The following MYO15A variants were observed in gnomAD, a reference collection of about 807,000 sequenced individuals.
The protein encoded by MYO15A is unconventional myosin-XV.
A neutral mutation model predicts 394.6 loss-of-function variants in MYO15A; 308 were observed. The ratio of observed to expected loss-of-function variants is 0.78; its 90% CI spans 0.71 to 0.86. MYO15A has a LOEUF of 0.86. Among genes scored for constraint, MYO15A ranks in the 40% least tolerant of loss-of-function variants. The pLI is 0.00. For synonymous variants in MYO15A, 1,957 were observed against 2,003.8 expected (o/e 0.98, Z 0.62); for missense variants, 4,606 against 4,799.1 (o/e 0.96, Z 1.19).
In MYO15A at chr17:18,157,170, T is replaced by C. The variant is rs1329122739; in HGVS notation, c.8728T>C (p.Cys2910Arg). Reference sequence around the variant, plus strand: ...CTGGCCCATAGGCTACAGTGCTGGCTGCGTGGTTCGCAGGAAGGTGGTGTA... The same window carrying C: ...CTGGCCCATAGGCTACAGTGCTGGCCGCGTGGTTCGCAGGAAGGTGGTGTA... ...EPPRVGYSAG[C>R]VVRRKVVYLE... The change falls in exon 50 of 66, where the codon TGC (cysteine) becomes CGC (arginine). Residue 2910 changes from cysteine (C) to arginine (R), a missense_variant. By Grantham distance (180) the Cys-to-Arg change is radical. Around this residue, in one of 2 missense-constraint regions of MYO15A, gnomAD observed 2,776 missense variants for 3,109.3 expected, o/e 0.89. Transcript: ENST00000647165. The C allele has an allele frequency of 1.2e-6, 2 of 1,610,676 alleles. No homozygotes were observed. Among genetic ancestry groups the C allele is most frequent in the Non-Finnish European group, 1.7e-6 (2 of 1,178,540 alleles).
At chr17:18,161,511 C>T (rs2046777664) in intron 57 of MYO15A, 64 bp downstream of exon 57, 1 of 1,604,594 alleles carries the variant, frequency 6.2e-7, no homozygotes, top group African/African-American at 1.3e-5. Context: ...GGGTGGACAG[C>T]TGGTGGGAGG....
rs1412862837 is a variant in MYO15A at position 18,128,640 on chromosome 17, GAAGT to G, written c.4032+1480_4032+1483del. 2.0e-5 allele frequency among the ~76,000 whole-genome samples: 3 copies of G among 152,252 alleles called. No individual in the cohort carries two copies. In the East Asian group the frequency reaches 5.8e-4, roughly 29 times the overall value. ...ATGACTAGGTAGGTAGGCAGGGAAA[GAAGT>G]AAGTGTACCTCGTGCACCTCCTGTG... On this transcript the variant is annotated intron_variant, in intron 7 of 65. Transcript: ENST00000647165.
rs1263068319 is a variant in MYO15A, at chr17:18,120,245, G to C, written c.1445G>C (p.Arg482Pro). The C allele has an allele frequency of 6.2e-7, 1 of 1,612,054 alleles. No individual in the cohort carries two copies. The highest frequency in any genetic ancestry group is 8.5e-7 in the Non-Finnish European group (1 of 1,179,576). The change falls in exon 2 of 66, where the codon CGA (arginine) becomes CCA (proline). Residue 482 changes from arginine to proline, a missense_variant. Physicochemically the swap from Arg to Pro is moderately radical, Grantham distance 103 (BLOSUM62 -2). Coordinates refer to ENST00000647165, the MANE Select transcript of MYO15A (RefSeq NM_016239.4). The part of the protein sequence containing the change: ...SLIRKFRLFP[R>P]PQVKLFGKEK... ...ATCCGCAAGTTCCGCCTCTTCCCGC[G>C]ACCCCAGGTGAAGCTGTTTGGGAAG...
In MYO15A at chr17:18,178,893, C is replaced by A. The variant is rs1212494840; in HGVS notation, c.*23C>A. On this transcript the variant is annotated 3_prime_UTR_variant, in exon 66 of 66. Coordinates refer to ENST00000647165, the MANE Select transcript of MYO15A (RefSeq NM_016239.4). ...TGACCCAGCCCCCAGCCCTCCAGTA[C>A]CTTCTGCCAGAAGACTCACTGTGTG... The A allele has an allele frequency of 3.1e-6, 5 of 1,606,520 alleles. No homozygotes were observed. The African/African-American group carries it at 6.7e-5, about 21-fold the overall frequency.
In MYO15A at chr17:18,144,342, G is replaced by A. The variant is rs533848464; in HGVS notation, c.6178-155G>A. 8.3e-5 allele frequency among the ~76,000 whole-genome samples: 5 copies of A among 60,174 alleles called. No individual in the cohort carries two copies. The East Asian group carries it at 2.5e-3, about 30-fold the overall frequency. The allele number at this position is 60,174 out of a possible 152,430, so 39.5% of individuals were successfully genotyped here. On this transcript the variant is annotated intron_variant, in intron 28 of 65. Transcript: ENST00000647165. Reference sequence around the variant, plus strand: ...CCACCGACTTGCTGAGGGCCACTGTGGTGGCCCCTCACCAGCCTCAGTTTC... The same window carrying A: ...CCACCGACTTGCTGAGGGCCACTGTAGTGGCCCCTCACCAGCCTCAGTTTC...
In MYO15A at chr17:18,126,381, C is replaced by T; in HGVS notation, c.3791C>T (p.Pro1264Leu). 1 of 1,614,004 alleles carries T rather than the reference C, an allele frequency of 6.2e-7. No homozygotes were observed. Among genetic ancestry groups the T allele is most frequent in the Non-Finnish European group, 8.5e-7 (1 of 1,179,988 alleles). Reference protein sequence around the residue: ...YIGSILVSVNPYQMFGIYGPE... With the variant: ...YIGSILVSVNLYQMFGIYGPE... The stretch of plus-strand genomic sequence containing the variant: ...GGGAGCATCCTGGTGTCGGTGAACC[C>T]ATACCAAATGTTTGGAATCTATGGG... Residue 1264 changes from proline to leucine, a missense_variant, in exon 5 of 66, where the codon CCA becomes CTA. By Grantham distance (98) the Pro-to-Leu change is moderately conservative. This residue lies in a region of MYO15A where 2,776 missense variants were observed against 3,109.3 expected (regional missense o/e 0.89). Coordinates refer to ENST00000647165, the MANE Select transcript of MYO15A (RefSeq NM_016239.4).
intron 2 of MYO15A, 67 bp downstream of exon 2, chr17:18,122,476 G>A: frequency 6.4e-7 from 1 of 1,550,764 alleles, no homozygotes; most frequent in South Asian, 1.2e-5. Context: ...AAGAGAGACA[G>A]CCTGAGGAGC....
intron 61 of MYO15A, 35 bp downstream of exon 61, chr17:18,166,556 C>G (rs953744949): frequency 2.5e-6 from 4 of 1,607,348 alleles, no homozygotes; most frequent in Non-Finnish European, 3.4e-6. Context: ...ACTCTGGGAC[C>G]TTCTAGGCTC....
At chr17:18,130,398 T>C (rs1214328590) in intron 7 of MYO15A, among the ~76,000 whole-genome samples, 1 of 131,762 alleles carries the variant, frequency 7.6e-6, no homozygotes, top group Non-Finnish European at 1.6e-5. Context: ...GGCCTTCCTG[T>C]GAGAGGTAAG....
At chr17:18,126,300 G>A (rs370924343) in intron 4 of MYO15A, 47 bp from the exon 5 acceptor site, 580 of 1,465,910 alleles carry the variant, frequency 4.0e-4, no homozygotes, top group Non-Finnish European at 5.2e-4. Context: ...GAGGGACATA[G>A]AGGTCTGCAA....
intron 34 of MYO15A, 40 bp downstream of exon 34, chr17:18,149,416 C>T: frequency 1.2e-6 from 2 of 1,612,168 alleles, no homozygotes; most frequent in Non-Finnish European, 1.7e-6. Flanking sequence ...GGGGAGGGAG[C>T]CTTAGAGGCT....
At chr17:18,160,949 TC>T (rs1287656391) in intron 56 of MYO15A, 1 of 390,148 alleles carries the variant, frequency 2.6e-6, no homozygotes, top group Non-Finnish European at 4.9e-6. Flanking sequence ...CTCCTGCTCC[TC>T]CCAGCCCTGG....
rs367916338 is a variant in MYO15A, at chr17:18,138,107, G to T, written c.4876-8G>T. 3.0e-5 allele frequency: 49 copies of T among 1,609,534 alleles called. No individual in the cohort carries two copies. The highest frequency in any genetic ancestry group is 3.8e-5 in the Non-Finnish European group (45 of 1,179,990). On this transcript the variant is annotated splice_region_variant and splice_polypyrimidine_tract_variant and intron_variant, in intron 16 of 65. Transcript: ENST00000647165. The stretch of plus-strand genomic sequence containing the variant: ...GGAGGTTGAGCTCCTGCTGCCCACT[G>T]CCTGCAGGAGGAGTACATCCGTGAG...
At position 18,121,520 on chromosome 17, in the gene MYO15A, G is replaced by T. The variant is rs867573130; in HGVS notation, c.2720G>T (p.Arg907Leu). Reference sequence around the variant, plus strand: ...GCCTGGCGGGCGCCCCTGGAACACCGGGAGAGCCCGCGAGAACCCGAGGAC... The same window carrying T: ...GCCTGGCGGGCGCCCCTGGAACACCTGGAGAGCCCGCGAGAACCCGAGGAC... ...AGAWRAPLEH[R>L]ESPREPEDSE... The change falls in exon 2 of 66, where the codon CGG becomes CTG. Residue 907 changes from arginine (R) to leucine (L), a missense_variant. Around this residue, in one of 2 missense-constraint regions of MYO15A, gnomAD observed 1,830 missense variants for 1,689.7 expected, o/e 1.08. Transcript: ENST00000647165. The surrounding 1 kb of genome is among the most constrained non-coding windows in gnomAD (Gnocchi z 5.3). 1 of 1,560,168 alleles carries T rather than the reference G, an allele frequency of 6.4e-7. No individual in the cohort carries two copies. The highest frequency in any genetic ancestry group is 8.7e-7 in the Non-Finnish European group (1 of 1,152,806).
rs765802056 is a variant in MYO15A at position 18,152,350 on chromosome 17, G to T, written c.7966+166G>T. On this transcript the variant is annotated intron_variant, in intron 42 of 65. Coordinates refer to ENST00000647165, the MANE Select transcript of MYO15A (RefSeq NM_016239.4). ...ATAATGTCAATACTTAAGTAGCACA[G>T]ATCTCAGGCCAGGCCCATCCTGGCC... Among the ~76,000 whole-genome samples, 59 of 152,176 alleles carry T rather than the reference G, an allele frequency of 3.9e-4. 1 individual carries two copies. Among genetic ancestry groups the T allele is most frequent in the Non-Finnish European group, 1.5e-5 (1 of 68,012 alleles).
chr17:18,133,813 C>G (rs1296902245), intron 12 of MYO15A, among the ~76,000 whole-genome samples: 1 of 151,952 alleles, frequency 6.6e-6, no homozygotes, highest in Non-Finnish European at 1.5e-5. Context: ...CACACCACTA[C>G]CGCCCCACTA....
chr17:18,149,690 G>T, intron 35 of MYO15A, 110 bp downstream of exon 35: 1 of 1,147,696 alleles, frequency 8.7e-7, no homozygotes, highest in East Asian at 2.4e-5. Flanking sequence ...AGGGTCATGG[G>T]GTGGTGTGTC....
At chr17:18,151,089 C>T (rs756555742) in intron 38 of MYO15A, 21 bp from the exon 39 acceptor site, 101 of 1,613,516 alleles carry the variant, frequency 6.3e-5, no homozygotes, top group Non-Finnish European at 7.9e-5. Context: ...GCAGCCCACC[C>T]TCACGTCCTG....
intron 65 of MYO15A, among the ~76,000 whole-genome samples, chr17:18,174,470 A>G (rs955535203): frequency 1.3e-5 from 2 of 152,170 alleles, no homozygotes; most frequent in Admixed American, 6.5e-5. Context: ...AAAATAAAAA[A>G]AAAAGTGCCT....
Sources: allele counts gnomAD v4.1 joint callset (sites outside exome capture counted in the v4.1 genomes callset), GRCh38; gene constraint gnomAD v4.1.1; regional missense constraint gnomAD v4.1.1; non-coding constraint Gnocchi (gnomAD v3.1); transcripts MANE v1.5; gene names NCBI Gene and HGNC (gene_info 2026-07-23, HGNC 2026-07-21).